The following ELP4 variants were observed in gnomAD, a reference collection of about 807,000 sequenced individuals.
ELP4 encodes the protein elongator complex protein 4.
In ELP4, 51 loss-of-function variants were observed where a neutral mutation model predicts 48.9. The observed-to-expected ratio is 1.04, with a 90% CI of 0.83 to 1.32. The LOEUF (loss-of-function observed/expected upper bound fraction) is 1.32. Among genes scored for constraint, ELP4 ranks in the 40% most tolerant of loss-of-function variants. The pLI, the probability that ELP4 is intolerant of heterozygous loss-of-function variation, is 0.00. For missense variants in ELP4, 519 were observed against 514.6 expected (o/e 1.01, Z -0.08); for synonymous variants, 210 against 189.2 (o/e 1.11, Z -0.90).
At chr11:31,746,331 G>A (rs1203178027) in intron 9 of ELP4, among the ~76,000 whole-genome samples, 1 of 152,184 alleles carries the variant, frequency 6.6e-6, no homozygotes, top group Admixed American at 6.5e-5. Context: ...TCAGTGTGGT[G>A]ATTCCTCACG....
chr11:31,626,509 ATGT>A (rs1209384723), intron 5 of ELP4, among the ~76,000 whole-genome samples: 2 of 152,000 alleles, frequency 1.3e-5, no homozygotes, highest in Non-Finnish European at 2.9e-5. Context: ...AATAACATTA[ATGT>A]TATTATTTAT....
intron 9 of ELP4, among the ~76,000 whole-genome samples, chr11:31,690,231 C>A (rs1056315444): frequency 6.6e-6 from 1 of 152,054 alleles, no homozygotes; most frequent in African/African-American, 2.4e-5. Context: ...CTGTTTCCAC[C>A]TCATTCTACT....
chr11:31,537,182 T>G (rs1956514887), intron 2 of ELP4, among the ~76,000 whole-genome samples: 1 of 152,214 alleles, frequency 6.6e-6, no homozygotes, highest in African/African-American at 2.4e-5. Flanking sequence ...TTTTTGCTGT[T>G]TTTTGATTGA....
chr11:31,726,042 T>C (rs1947069929), intron 9 of ELP4, among the ~76,000 whole-genome samples: 1 of 152,208 alleles, frequency 6.6e-6, no homozygotes, highest in Non-Finnish European at 1.5e-5. Flanking sequence ...GTATATCAGA[T>C]AGACTTTGGC....
At chr11:31,617,179 A>G (rs1944507751) in intron 5 of ELP4, among the ~76,000 whole-genome samples, 1 of 152,144 alleles carries the variant, frequency 6.6e-6, no homozygotes, top group African/African-American at 2.4e-5. Flanking sequence ...CCACCAACTG[A>G]TGAACTGATA....
At chr11:31,761,470 C>G (rs1947943472) in intron 9 of ELP4, among the ~76,000 whole-genome samples, 1 of 151,962 alleles carries the variant, frequency 6.6e-6, no homozygotes, top group Non-Finnish European at 1.5e-5. Context: ...TATACTTTTT[C>G]ACCAGAATAG....
At chr11:31,638,305 A>C (rs1315638547) in intron 7 of ELP4, among the ~76,000 whole-genome samples, 1 of 151,882 alleles carries the variant, frequency 6.6e-6, no homozygotes, top group Non-Finnish European at 1.5e-5. Context: ...TGTCTAGAGA[A>C]CAGTAGTTGG....
At chr11:31,734,654 C>T (rs1947264152) in intron 9 of ELP4, among the ~76,000 whole-genome samples, 1 of 152,002 alleles carries the variant, frequency 6.6e-6, no homozygotes, top group Non-Finnish European at 1.5e-5. Flanking sequence ...AAAACTTCAC[C>T]AAGAAGGCAA....
At chr11:31,633,964 C>G (rs1220769928) in intron 7 of ELP4, 1 of 152,002 alleles carries the variant, frequency 6.6e-6, no homozygotes, top group Non-Finnish European at 1.5e-5. Flanking sequence ...CCTTATCACC[C>G]TCACCATTAG....
At chr11:31,750,874 T>G (rs1221267051) in intron 9 of ELP4, among the ~76,000 whole-genome samples, 2 of 152,224 alleles carry the variant, frequency 1.3e-5, no homozygotes, top group Non-Finnish European at 2.9e-5. Flanking sequence ...TATTCATGAT[T>G]CACCTTTCCC....
chr11:31,573,853 G>A (rs569011050), intron 3 of ELP4, among the ~76,000 whole-genome samples: 1 of 150,074 alleles, frequency 6.7e-6, no homozygotes, highest in Non-Finnish European at 1.5e-5. Context: ...ACGGACCTGA[G>A]GAGGACACAA....
intron 3 of ELP4, among the ~76,000 whole-genome samples, chr11:31,569,749 G>A (rs1957165642): frequency 6.6e-6 from 1 of 152,038 alleles, no homozygotes; most frequent in Admixed American, 6.6e-5. Flanking sequence ...CATACAAATG[G>A]CCAACAAACA....
At chr11:31,665,046 T>C (rs1028464741) in intron 9 of ELP4, among the ~76,000 whole-genome samples, 2 of 152,176 alleles carry the variant, frequency 1.3e-5, no homozygotes, top group African/African-American at 4.8e-5. Flanking sequence ...TGCCTCTGTA[T>C]ACCTTTTTGA....
chr11:31,543,192 G>A (rs928204580), intron 3 of ELP4, among the ~76,000 whole-genome samples: 2 of 152,136 alleles, frequency 1.3e-5, no homozygotes, highest in African/African-American at 4.8e-5. Flanking sequence ...CTCTGTGAAG[G>A]GAGAAGGAGT....
At chr11:31,778,053 A>G (rs900079999) in intron 9 of ELP4, among the ~76,000 whole-genome samples, 2 of 152,206 alleles carry the variant, frequency 1.3e-5, no homozygotes, top group Admixed American at 1.3e-4. Flanking sequence ...CATTATATAA[A>G]GGGGGGATAT....
At chr11:31,589,575 A>C (rs977029051) in intron 3 of ELP4, among the ~76,000 whole-genome samples, 1 of 152,218 alleles carries the variant, frequency 6.6e-6, no homozygotes, top group African/African-American at 2.4e-5. Flanking sequence ...TGAATCTCTT[A>C]ACATTAGTGC....
At chr11:31,691,187 AATG>A (rs1484629986) in intron 9 of ELP4, among the ~76,000 whole-genome samples, 1 of 152,088 alleles carries the variant, frequency 6.6e-6, no homozygotes, top group African/African-American at 2.4e-5. Flanking sequence ...TAAGGGGAAA[AATG>A]ATGAAGGCAT....
At chr11:31,653,821 G>T (rs1156596616) in intron 9 of ELP4, 1 of 151,662 alleles carries the variant, frequency 6.6e-6, no homozygotes, top group East Asian at 2.0e-4. Context: ...TAAAATAACT[G>T]GTTAAACTTG....
chr11:31,647,639 A>G (rs1014502938), intron 7 of ELP4, 102 bp from the exon 8 acceptor site: 11 of 704,458 alleles, frequency 1.6e-5, no homozygotes, highest in Admixed American at 8.8e-5. Flanking sequence ...TTGATAGTCT[A>G]TCTCCACTAC....
Sources: gnomAD v4.1 joint callset for allele counts (sites outside exome capture counted in the v4.1 genomes callset) on GRCh38, gnomAD v4.1.1 for gene constraint, MANE v1.5 for transcripts, NCBI Gene and HGNC (gene_info 2026-07-23, HGNC 2026-07-21) for gene names.